Variants in STYXL2 observed in about 807,000 individuals in gnomAD.
STYXL2 encodes the protein serine/threonine/tyrosine interacting like 2, also known as serine/threonine/tyrosine-interacting-like protein 2.
STYXL2 carries 44 observed loss-of-function variants against 52.4 expected under a neutral mutation model. The observed-to-expected ratio is 0.84, with a 90% CI of 0.66 to 1.08. The LOEUF (loss-of-function observed/expected upper bound fraction) is 1.08. Among genes scored for constraint, STYXL2 ranks in the 50% least tolerant of loss-of-function variants. The probability of loss-of-function intolerance (pLI) is 0.00; values close to 1 mark genes in which losing one functional copy is unlikely to be tolerated. For missense variants in STYXL2, 1,604 were observed against 1,471.7 expected (o/e 1.09, Z -1.47); for synonymous variants, 604 against 586.9 (o/e 1.03, Z -0.42).
At chr1:167,109,950 G>A (rs1223404576) in intron 2 of STYXL2, among the ~76,000 whole-genome samples, 3 of 152,116 alleles carry the variant, frequency 2.0e-5, no homozygotes, top group Non-Finnish European at 4.4e-5. Flanking sequence ...CTATAACCAA[G>A]GACCCTCACA....
chr1:167,116,636 A>G (rs1053422895), intron 3 of STYXL2, among the ~76,000 whole-genome samples: 1 of 140,294 alleles, frequency 7.1e-6, no homozygotes, highest in Non-Finnish European at 1.5e-5. Context: ...AAATACTTCT[A>G]CTTTTTTTTT....
rs1481195759 is a variant in STYXL2, at chr1:167,113,755, AC to A, written c.159del (p.Ile54PhefsTer90). ...CAGAAACAGAAAGCATTTTCATGGA[AC>A]CCATTCACCTCTCCTCAGCCATTGC... Reference protein sequence around the residue: ...DAETESIFMEPIHLSSAIAAK... With the variant: ...DAETESIFMEXIHLSSAIAAK... On this transcript the variant is annotated frameshift_variant, in exon 3 of 6. Coordinates refer to ENST00000361200, the MANE Select transcript of STYXL2 (RefSeq NM_001080426.3). LOFTEE classifies it high-confidence loss of function. The A allele has an allele frequency of 8.1e-6, 13 of 1,614,060 alleles. No individual in the cohort carries two copies. Among genetic ancestry groups the A allele is most frequent in the Non-Finnish European group, 1.1e-5 (13 of 1,179,958 alleles).
At position 167,126,927 on chromosome 1, in the gene STYXL2, A is replaced by G. The variant is rs1208018517; in HGVS notation, c.1796A>G (p.Lys599Arg). The G allele has an allele frequency of 4.3e-6, 7 of 1,611,698 alleles. 2 individuals carry two copies. In the South Asian group the frequency reaches 7.7e-5, roughly 18 times the overall value. Residue 599 changes from lysine to arginine, a missense_variant, in exon 6 of 6, where the codon AAG becomes AGG. Coordinates refer to ENST00000361200, the MANE Select transcript of STYXL2 (RefSeq NM_001080426.3). The stretch of plus-strand genomic sequence containing the variant: ...GCCTGGAAGCTGAAACACCAGAAGA[A>G]GGTGGGCAGTGAGAACAAGGAGGAG... The part of the protein sequence containing the change: ...YQAWKLKHQK[K>R]VGSENKEEVV...
rs113448705 is a variant in STYXL2, at chr1:167,127,760, G to A, written c.2629G>A (p.Asp877Asn). ...CTTCAAGAAGAAGAAGGTCAAGGAA[G>A]ATGAGGATGATGGTGTGGGTGATGG... ...SLFKKKKVKE[D>N]EDDGVGDGDE... is the part of the protein sequence containing the mutation. Residue 877 changes from aspartate (D) to asparagine (N), a missense_variant, in exon 6 of 6, where the codon GAT (aspartate) becomes AAT (asparagine). By Grantham distance (23) the Asp-to-Asn change is conservative. Coordinates refer to ENST00000361200, the MANE Select transcript of STYXL2 (RefSeq NM_001080426.3). The A allele has an allele frequency of 6.1e-3, 9,912 of 1,614,030 alleles. 72 individuals are homozygous for A. The highest frequency in any genetic ancestry group is 5.5e-3 in the Non-Finnish European group (6,535 of 1,180,012).
Position 167,127,140 on chromosome 1 carries a change from G to C in STYXL2, c.2009G>C (p.Ser670Thr). ...TTCTGGTCTGCAGACCCCTCAGTCA[G>C]CGCTGATGGGGACACGACGTCAGTA... ...SAFWSADPSVSADGDTTSVLS... is the reference protein window; with the variant it reads ...SAFWSADPSVTADGDTTSVLS... The change falls in exon 6 of 6, where the codon AGC becomes ACC. Residue 670 changes from serine to threonine, a missense_variant. By Grantham distance (58) the Ser-to-Thr change is moderately conservative (BLOSUM62 1). Transcript: ENST00000361200. The C allele has an allele frequency of 6.2e-7, 1 of 1,614,136 alleles. No homozygotes were observed. The highest frequency in any genetic ancestry group is 8.5e-7 in the Non-Finnish European group (1 of 1,180,008).
At position 167,126,460 on chromosome 1, in the gene STYXL2, G is replaced by C. The variant is rs376866922; in HGVS notation, c.1329G>C (p.Val443=). ...GCGAGAGCAGCGCCTGGGAGAGCGT[G>C]AGCAGCCACGACATCTGGGTCCTGA... ...TLSESSAWES[V]SSHDIWVLKQ... Residue 443 remains valine, a synonymous_variant, in exon 6 of 6, where the codon GTG becomes GTC. Transcript: ENST00000361200. 2.0e-4 allele frequency: 323 copies of C among 1,591,720 alleles called. No individual in the cohort carries two copies. The highest frequency in any genetic ancestry group is 2.7e-4 in the Non-Finnish European group (312 of 1,169,560).
chr1:167,109,686 A>G (rs1005948591), intron 2 of STYXL2, among the ~76,000 whole-genome samples: 1 of 152,208 alleles, frequency 6.6e-6, no homozygotes, highest in Admixed American at 6.5e-5. Context: ...AGAAGACCTT[A>G]GGACAAGTTT....
intron 2 of STYXL2, among the ~76,000 whole-genome samples, chr1:167,102,738 C>T (rs9287077): frequency 0.3 from 45,244 of 152,008 alleles, 6,881 homozygotes; most frequent in African/African-American, 0.32. Flanking sequence ...TTGTCCCCAT[C>T]CTGAACAGTC....
rs1281374983 is a variant in STYXL2 at position 167,113,720 on chromosome 1, GTC to G, written c.124_125del (p.Ser42ArgfsTer26). The G allele has an allele frequency of 4.3e-6, 7 of 1,613,076 alleles. No individual in the cohort carries two copies. Among genetic ancestry groups the G allele is most frequent in the Non-Finnish European group, 5.9e-6 (7 of 1,179,176 alleles). ...ATCCTCTTCCCTTAGGTATTCGATG[GTC>G]TCAGATGCAGAAACAGAAAGCATTT... The part of the protein sequence containing the change: ...RSPSPSQYSM[V>X]SDAETESIFM... On this transcript the variant is annotated frameshift_variant, in exon 3 of 6. Coordinates refer to ENST00000361200, the MANE Select transcript of STYXL2 (RefSeq NM_001080426.3). LOFTEE classifies it high-confidence loss of function.
At chr1:167,096,844 C>A (rs948493533) in intron 2 of STYXL2, among the ~76,000 whole-genome samples, 5 of 152,300 alleles carry the variant, frequency 3.3e-5, no homozygotes, top group African/African-American at 7.2e-5. Context: ...ATGTTTACTG[C>A]CTCCTAAGTG....
intron 5 of STYXL2, among the ~76,000 whole-genome samples, chr1:167,120,912 G>A (rs954093336): frequency 3.9e-5 from 5 of 129,576 alleles, no homozygotes; most frequent in African/African-American, 5.4e-5. Context: ...GTATGTATGT[G>A]TATATATACA....
At chr1:167,123,307 T>C (rs1404729685) in intron 5 of STYXL2, among the ~76,000 whole-genome samples, 1 of 151,888 alleles carries the variant, frequency 6.6e-6, no homozygotes, top group Non-Finnish European at 1.5e-5. Context: ...CTCAGAGGAG[T>C]CCCAGTGTGC....
intron 2 of STYXL2, among the ~76,000 whole-genome samples, chr1:167,106,722 C>T (rs1667512126): frequency 6.6e-6 from 1 of 152,140 alleles, no homozygotes; most frequent in South Asian, 2.1e-4. Context: ...CCTTGGAGCT[C>T]AGAATGTCCA....
At chr1:167,107,760 G>T (rs1475367091) in intron 2 of STYXL2, among the ~76,000 whole-genome samples, 2 of 152,162 alleles carry the variant, frequency 1.3e-5, no homozygotes, top group African/African-American at 4.8e-5. Flanking sequence ...TTCATAGAGG[G>T]TATGATCTAG....
chr1:167,127,465 C>T lies in STYXL2; in HGVS notation c.2334C>T (p.Ser778=), dbSNP rs981095950. 2 of 1,614,092 alleles carry T rather than the reference C, an allele frequency of 1.2e-6. No individual in the cohort carries two copies. The highest frequency in any genetic ancestry group is 1.1e-5 in the South Asian group (1 of 91,074). ...VSMLSGHSSS[S]LGGCLLPQSQ... Reference sequence around the variant, plus strand: ...TGCTTAGTGGACACAGCAGCTCCTCCTTGGGTGGCTGCCTGTTGCCTCAGA... The same window carrying T: ...TGCTTAGTGGACACAGCAGCTCCTCTTTGGGTGGCTGCCTGTTGCCTCAGA... Residue 778 remains serine, a synonymous_variant, in exon 6 of 6, where the codon TCC becomes TCT. Coordinates refer to ENST00000361200, the MANE Select transcript of STYXL2 (RefSeq NM_001080426.3).
intron 2 of STYXL2, among the ~76,000 whole-genome samples, chr1:167,111,469 C>CAT (rs776014246): frequency 0.02 from 1,608 of 79,096 alleles, 16 homozygotes; most frequent in Non-Finnish European, 0.027. Flanking sequence ...AAATATGGTA[C>CAT]ATATATATAT....
chr1:167,117,221 T>C (rs1667743024), intron 3 of STYXL2, 107 bp from the exon 4 acceptor site: 3 of 1,020,846 alleles, frequency 2.9e-6, no homozygotes, highest in Non-Finnish European at 4.3e-6. Context: ...ATTCAGTCCA[T>C]GCCCAGAATC....
intron 1 of STYXL2, 31 bp from the exon 2 acceptor site, chr1:167,094,803 C>T (rs1476963078): frequency 6.0e-6 from 9 of 1,499,438 alleles, no homozygotes; most frequent in Admixed American, 1.8e-5. Context: ...AACCTAATTC[C>T]CTAACTGCCT....
intron 2 of STYXL2, among the ~76,000 whole-genome samples, chr1:167,108,626 T>A (rs866772932): frequency 7.3e-6 from 1 of 136,722 alleles, no homozygotes; most frequent in Non-Finnish European, 1.5e-5. Flanking sequence ...TTAAATTGAG[T>A]TGATTAGAGT....
Sources: allele counts gnomAD v4.1 joint callset (sites outside exome capture counted in the v4.1 genomes callset), GRCh38; gene constraint gnomAD v4.1.1; transcripts MANE v1.5; gene names NCBI Gene and HGNC (gene_info 2026-07-23, HGNC 2026-07-21).